Variants in SPAG17 observed in about 807,000 individuals in gnomAD.
The protein encoded by SPAG17 is sperm-associated antigen 17.
In SPAG17, 169 loss-of-function variants were observed where a neutral mutation model predicts 273.6. The ratio of observed to expected loss-of-function variants is 0.62; its 90% CI spans 0.55 to 0.70. SPAG17 has a LOEUF of 0.70. SPAG17 is among the 30% of genes least tolerant of loss of function. SPAG17 has a pLI of 0.00. For missense variants in SPAG17, 2,557 were observed against 2,627.8 expected (o/e 0.97, Z 0.59); for synonymous variants, 825 against 873.2 (o/e 0.94, Z 0.97).
chr1:118,179,744 G>GA (rs1281547012), intron 1 of SPAG17, among the ~76,000 whole-genome samples: 1 of 151,674 alleles, frequency 6.6e-6, no homozygotes, highest in Non-Finnish European at 1.5e-5. Context: ...AACTAAATAG[G>GA]AAAAAACCCC....
intron 43 of SPAG17, among the ~76,000 whole-genome samples, chr1:117,975,235 CAG>C (rs1469674971): frequency 1.3e-5 from 2 of 152,200 alleles, no homozygotes; most frequent in South Asian, 2.1e-4. Context: ...TGGAGAGAAA[CAG>C]GCATTCAGAC....
intron 43 of SPAG17, among the ~76,000 whole-genome samples, chr1:117,976,612 C>T (rs931824085): frequency 1.5e-4 from 23 of 152,166 alleles, no homozygotes; most frequent in African/African-American, 4.6e-4. Context: ...GATGGCTTGC[C>T]TGACGTGGTG....
chr1:118,057,419 C>G (rs1279310313), intron 18 of SPAG17, among the ~76,000 whole-genome samples: 1 of 152,104 alleles, frequency 6.6e-6, no homozygotes, highest in Non-Finnish European at 1.5e-5. Context: ...CAGATCATGT[C>G]TTTCCTCTGC....
chr1:118,057,037 C>T (rs938059471), intron 18 of SPAG17, among the ~76,000 whole-genome samples: 1 of 151,514 alleles, frequency 6.6e-6, no homozygotes, highest in African/African-American at 2.4e-5. Flanking sequence ...TGCAGTGGCG[C>T]TACCACTTGG....
At chr1:118,042,172 T>G (rs1231426445) in intron 20 of SPAG17, 130 bp from the exon 21 acceptor site, 2 of 1,103,132 alleles carry the variant, frequency 1.8e-6, no homozygotes, top group African/African-American at 3.2e-5. Flanking sequence ...AATACTGAAC[T>G]AGAAGCCTTG....
At position 118,156,745 on chromosome 1, in the gene SPAG17, G is replaced by A. The variant is rs115043956; in HGVS notation, c.88-5376C>T. On this transcript the variant is annotated intron_variant, in intron 1 of 48. Transcript: ENST00000336338. ...CTATTAGAAGGCATCTTGATGGCCT[G>A]CTCCCTCTTCCTTTCTCAACCTACT... Among the ~76,000 whole-genome samples the A allele has an allele frequency of 5.7e-4, 86 of 151,622 alleles. 1 individual carries two copies. Among genetic ancestry groups the A allele is most frequent in the African/African-American group, 2.0e-3 (84 of 41,316 alleles).
chr1:118,127,217 G>A (rs2102287696), intron 3 of SPAG17, among the ~76,000 whole-genome samples: 1 of 152,096 alleles, frequency 6.6e-6, no homozygotes, highest in South Asian at 2.1e-4. Flanking sequence ...CTATTTCTGT[G>A]TATTAGGCCT....
In SPAG17 at chr1:118,099,788, T is replaced by A; in HGVS notation, c.647A>T (p.Asp216Val). 6.2e-7 allele frequency: 1 copy of A among 1,612,274 alleles called. No individual in the cohort carries two copies. The highest frequency in any genetic ancestry group is 8.5e-7 in the Non-Finnish European group (1 of 1,179,788). Residue 216 changes from aspartate (D) to valine (V), a missense_variant, in exon 6 of 49, where the codon GAT (aspartate) becomes GTT (valine). By Grantham distance (152) the Asp-to-Val change is radical. Coordinates refer to ENST00000336338, the MANE Select transcript of SPAG17 (RefSeq NM_206996.4). The part of the protein sequence containing the change: ...HTNRYIDDEP[D>V]DGAQHYIIVV... ...TATAATGTAATGTTGGGCACCATCA[T>A]CTGGCTCATCGTCTGTTCAAAATAC...
chr1:118,102,022 A>G, intron 4 of SPAG17, 96 bp from the exon 5 acceptor site: 1 of 997,682 alleles, frequency 1.0e-6, no homozygotes, highest in Non-Finnish European at 1.5e-6. Context: ...TCATTCAATC[A>G]CTTGTATACT....
chr1:118,029,022 G>A (rs927356091), intron 25 of SPAG17, among the ~76,000 whole-genome samples: 2 of 152,072 alleles, frequency 1.3e-5, no homozygotes, highest in African/African-American at 4.8e-5. Flanking sequence ...GAGTGAGTTG[G>A]GTAGATCACC....
At chr1:118,002,764 C>T (rs1271730415) in intron 32 of SPAG17, among the ~76,000 whole-genome samples, 5 of 152,084 alleles carry the variant, frequency 3.3e-5, no homozygotes, top group East Asian at 1.9e-4. Context: ...ACTGATGGGT[C>T]GTGACTCTTT....
intron 48 of SPAG17, chr1:117,962,923 G>A (rs1191773962): frequency 6.6e-6 from 1 of 152,246 alleles, no homozygotes; most frequent in Non-Finnish European, 1.5e-5. Flanking sequence ...GTTGTGAGCA[G>A]AAGCTTAATG....
At chr1:118,026,465 C>A (rs1218796177) in intron 26 of SPAG17, among the ~76,000 whole-genome samples, 1 of 152,100 alleles carries the variant, frequency 6.6e-6, no homozygotes, top group African/African-American at 2.4e-5. Flanking sequence ...AATCATGGCA[C>A]CCCTTAAATC....
intron 15 of SPAG17, chr1:118,076,621 AAG>A (rs1654121596): frequency 1.3e-5 from 2 of 152,288 alleles, no homozygotes; most frequent in Admixed American, 6.5e-5. Flanking sequence ...CCAGCAGAAA[AAG>A]TCTCCAGTTT....
chr1:118,022,282 G>A (rs1236137703), intron 28 of SPAG17, among the ~76,000 whole-genome samples: 1 of 151,974 alleles, frequency 6.6e-6, no homozygotes, highest in Admixed American at 6.6e-5. Flanking sequence ...AGGATTAGCT[G>A]ATTTAATATT....
At chr1:118,024,681 C>T (rs572435766) in intron 27 of SPAG17, among the ~76,000 whole-genome samples, 4 of 152,124 alleles carry the variant, frequency 2.6e-5, no homozygotes, top group South Asian at 4.2e-4. Flanking sequence ...TAAGGTTTCT[C>T]GTTCCCATCC....
chr1:118,118,663 G>C (rs572749797), intron 3 of SPAG17, among the ~76,000 whole-genome samples: 3 of 152,162 alleles, frequency 2.0e-5, no homozygotes, highest in Admixed American at 1.3e-4. Flanking sequence ...TGCCAGGACC[G>C]GAGAGAGGCT....
At position 117,981,407 on chromosome 1, in the gene SPAG17, A is replaced by G. The variant is rs749515774; in HGVS notation, c.5873-6T>C. 5 of 1,591,652 alleles carry G rather than the reference A, an allele frequency of 3.1e-6. No individual in the cohort carries two copies. Among genetic ancestry groups the G allele is most frequent in the Non-Finnish European group, 4.3e-6 (5 of 1,174,812 alleles). On this transcript the variant is annotated splice_polypyrimidine_tract_variant and splice_region_variant and intron_variant, in intron 42 of 48. Transcript: ENST00000336338. The stretch of plus-strand genomic sequence containing the variant: ...AACCTTATGTGGCTTGAAATCTAGA[A>G]AACCCAAAATGAACCTTATAAAGTG...
intron 46 of SPAG17, among the ~76,000 whole-genome samples, chr1:117,967,989 A>C (rs1174698147): frequency 2.0e-5 from 3 of 152,242 alleles, no homozygotes; most frequent in African/African-American, 7.2e-5. Flanking sequence ...TTGTGAGCAT[A>C]TGCATACTGG....
Sources: allele counts gnomAD v4.1 joint callset (sites outside exome capture counted in the v4.1 genomes callset), GRCh38; gene constraint gnomAD v4.1.1; transcripts MANE v1.5; gene names NCBI Gene and HGNC (gene_info 2026-07-23, HGNC 2026-07-21).